Variants in BRD10 observed in about 807,000 individuals in gnomAD.
BRD10 encodes uncharacterized bromodomain-containing protein 10.
chr9:5,949,945 C>A, the BRD10 span, among the ~76,000 whole-genome samples: 2 of 152,114 alleles, frequency 1.3e-5, no homozygotes, highest in East Asian at 3.8e-4. Context: ...ACCAATTTAA[C>A]AAAGTCGTAA....
chr9:5,949,027 G>A, the BRD10 span, among the ~76,000 whole-genome samples: 1 of 152,110 alleles, frequency 6.6e-6, no homozygotes, highest in Non-Finnish European at 1.5e-5. Flanking sequence ...ATTAAACACA[G>A]ATGTTTCTCT....
chr9:5,988,679 A>C, the BRD10 span: 1 of 648,256 alleles, frequency 1.5e-6, no homozygotes, highest in Non-Finnish European at 2.6e-6. Flanking sequence ...GCTTTGTTCT[A>C]ACTTTTTATC....
At chr9:5,983,048 G>A in the BRD10 span, among the ~76,000 whole-genome samples, 15 of 152,228 alleles carry the variant, frequency 9.9e-5, no homozygotes, top group African/African-American at 2.6e-4. Flanking sequence ...CTGCTGACAC[G>A]GAGAGCCAAC....
the BRD10 span, among the ~76,000 whole-genome samples, chr9:5,993,312 T>TAAAAAAAA: frequency 6.0e-5 from 7 of 116,694 alleles, no homozygotes; most frequent in Admixed American, 1.8e-4. Flanking sequence ...GAGACTCCAT[T>TAAAAAAAA]AAAAAAAAAA....
the BRD10 span, among the ~76,000 whole-genome samples, chr9:5,945,680 AC>A: frequency 6.6e-6 from 1 of 152,110 alleles, no homozygotes; most frequent in Non-Finnish European, 1.5e-5. Flanking sequence ...TGAACTGTCA[AC>A]AACAGTAACA....
chr9:5,925,028 C>G, the BRD10 span, among the ~76,000 whole-genome samples: 1 of 151,998 alleles, frequency 6.6e-6, no homozygotes, highest in Non-Finnish European at 1.5e-5. Flanking sequence ...AAGACAGAAC[C>G]TATGGTATAG....
the BRD10 span, among the ~76,000 whole-genome samples, chr9:5,987,274 G>A: frequency 1.3e-4 from 20 of 152,106 alleles, no homozygotes; most frequent in Non-Finnish European, 2.4e-4. Context: ...AAGATACTAA[G>A]TTCTATTAAT....
At chr9:5,991,262 C>T in the BRD10 span, among the ~76,000 whole-genome samples, 7,634 of 151,910 alleles carry the variant, frequency 0.05, 331 homozygotes, top group African/African-American at 0.12. Context: ...ATGATATGTA[C>T]GCATACATCT....
chr9:5,977,608 G>A, the BRD10 span, among the ~76,000 whole-genome samples: 3 of 152,202 alleles, frequency 2.0e-5, no homozygotes, highest in Non-Finnish European at 4.4e-5. Flanking sequence ...AGCACTTTGA[G>A]AGGCTGAGGT....
At chr9:5,919,583 C>CACACA in the BRD10 span, 2 of 1,025,392 alleles carry the variant, frequency 2.0e-6, no homozygotes, top group Non-Finnish European at 2.8e-6. Flanking sequence ...CACACACACA[C>CACACA]AATGTATAGT....
chr9:5,971,641 T>A, the BRD10 span, among the ~76,000 whole-genome samples: 1 of 152,198 alleles, frequency 6.6e-6, no homozygotes, highest in Admixed American at 6.5e-5. Context: ...GATTTGGTAT[T>A]TATATATTAC....
At chr9:6,002,204 AC>A in the BRD10 span, among the ~76,000 whole-genome samples, 1 of 152,186 alleles carries the variant, frequency 6.6e-6, no homozygotes, top group Non-Finnish European at 1.5e-5. Flanking sequence ...TGCCCCCCAA[AC>A]CCTAGAACAA....
the BRD10 span, among the ~76,000 whole-genome samples, chr9:5,971,242 C>T: frequency 1.3e-5 from 2 of 152,002 alleles, no homozygotes; most frequent in South Asian, 2.1e-4. Flanking sequence ...ATGGTTATTA[C>T]ACAAAAGACA....
the BRD10 span, among the ~76,000 whole-genome samples, chr9:5,967,228 TTAA>T: frequency 6.6e-6 from 1 of 152,070 alleles, no homozygotes; most frequent in African/African-American, 2.4e-5. Flanking sequence ...CTTATTAGGG[TTAA>T]TAAAGCTGAT....
chr9:5,994,358 G>A, the BRD10 span, among the ~76,000 whole-genome samples: 1 of 152,060 alleles, frequency 6.6e-6, no homozygotes, highest in Non-Finnish European at 1.5e-5. Context: ...TGAAAGTCTG[G>A]AGACCACTGC....
chr9:5,947,939 G>A, the BRD10 span, among the ~76,000 whole-genome samples: 1 of 152,108 alleles, frequency 6.6e-6, no homozygotes, highest in South Asian at 2.1e-4. Flanking sequence ...GCCTGCAGGG[G>A]TGAACACGAA....
the BRD10 span, among the ~76,000 whole-genome samples, chr9:5,914,409 GGTTTTT>G: frequency 4.7e-5 from 5 of 106,966 alleles, no homozygotes; most frequent in African/African-American, 1.4e-4. Flanking sequence ...AAATCCAGAT[GGTTTTT>G]TTTTTTTTTT....
At chr9:5,970,861 G>A in the BRD10 span, among the ~76,000 whole-genome samples, 2 of 151,918 alleles carry the variant, frequency 1.3e-5, no homozygotes, top group African/African-American at 4.8e-5. Context: ...AGACCAGCCA[G>A]GCCAACGTGG....
the BRD10 span, among the ~76,000 whole-genome samples, chr9:5,996,322 G>T: frequency 3.5e-4 from 53 of 150,542 alleles, no homozygotes; most frequent in Non-Finnish European, 5.9e-4. Flanking sequence ...TTTTTTTGTT[G>T]TTGTTGTTGT....
Sources: gnomAD v4.1 joint callset for allele counts (sites outside exome capture counted in the v4.1 genomes callset) on GRCh38, gnomAD v4.1.1 for gene constraint, MANE v1.5 for transcripts, NCBI Gene and HGNC (gene_info 2026-07-23, HGNC 2026-07-21) for gene names.